The following NUCB2 variants were observed in gnomAD, a reference collection of about 807,000 sequenced individuals.
NUCB2 encodes nucleobindin-2.
NUCB2 carries 48 observed loss-of-function variants against 57.9 expected under a neutral mutation model. The observed-to-expected ratio is 0.83, with a 90% CI of 0.66 to 1.05. The LOEUF is 1.05. Among genes scored for constraint, NUCB2 ranks in the 50% least tolerant of loss-of-function variants. NUCB2 has a pLI of 0.00. For missense variants in NUCB2, 442 were observed against 476.2 expected (o/e 0.93, Z 0.67); for synonymous variants, 139 against 152.1 (o/e 0.91, Z 0.64).
chr11:17,342,295 G>T (rs1252586593), intron 2 of NUCB2, among the ~76,000 whole-genome samples: 5 of 152,060 alleles, frequency 3.3e-5, no homozygotes, highest in African/African-American at 1.2e-4. Context: ...TTTTTGAAGG[G>T]TTTTTTGTGT....
rs1229608955 is a variant in NUCB2, at chr11:17,288,531, T to TTTC, written c.-1+5609_-1+5611dup. On this transcript the variant is annotated intron_variant, in intron 2 of 13. Transcript: ENST00000529010. ...AAGCCTATTTATTTTATTTTATCTT[T>TTTC]TTCTTCTTCTTCTTCTTCTTCTTTT... 1.4e-3 allele frequency among the ~76,000 whole-genome samples: 194 copies of TTTC among 136,842 alleles called. 3 individuals carry two copies. The highest frequency in any genetic ancestry group is 4.3e-3 in the African/African-American group (150 of 34,764). 89.8% of individuals were successfully genotyped at this position (136,842 alleles called of 152,430 possible). A position where few individuals can be genotyped will look rare whatever the true frequency, so the allele number is the denominator to read the frequency against.
chr11:17,282,071 C>T (rs1942688963), intron 1 of NUCB2, among the ~76,000 whole-genome samples: 1 of 151,268 alleles, frequency 6.6e-6, no homozygotes, highest in African/African-American at 2.4e-5. Flanking sequence ...AAGGATTTAA[C>T]AGGAAAAGTT....
At chr11:17,324,959 G>T (rs1348332774) in intron 11 of NUCB2, among the ~76,000 whole-genome samples, 3 of 151,858 alleles carry the variant, frequency 2.0e-5, no homozygotes, top group Non-Finnish European at 4.4e-5. Context: ...GTGCCACAAC[G>T]CCCGGCTAAT....
intron 2 of NUCB2, among the ~76,000 whole-genome samples, chr11:17,338,689 A>C (rs1951998376): frequency 6.6e-6 from 1 of 152,088 alleles, no homozygotes; most frequent in Non-Finnish European, 1.5e-5. Flanking sequence ...TTTGAGACAG[A>C]GTCTTGCCCT....
chr11:17,327,738 T>G (rs1950879398), intron 11 of NUCB2, among the ~76,000 whole-genome samples: 1 of 152,150 alleles, frequency 6.6e-6, no homozygotes. Flanking sequence ...GCGTGTCCGT[T>G]CCATTTTTTT....
chr11:17,312,129 T>G lies in NUCB2; in HGVS notation c.912+9T>G, dbSNP rs770067361. The G allele has an allele frequency of 7.8e-7, 1 of 1,275,152 alleles. No homozygotes were observed. Among genetic ancestry groups the G allele is most frequent in the East Asian group, 2.3e-5 (1 of 43,052 alleles). The allele number at this position is 1,275,152 out of a possible 1,614,324, so 79.0% of individuals were successfully genotyped here. ...AACATGTAATGAATGAGGTATGTTT[T>G]AAAAGTTTAAGATAATATGTTATTT... On this transcript the variant is annotated intron_variant, in intron 10 of 13. Coordinates refer to ENST00000529010, the MANE Select transcript of NUCB2 (RefSeq NM_005013.4).
At chr11:17,333,289 C>A (rs947344325), downstream of NUCB2, 1 of 151,926 alleles carries the variant, frequency 6.6e-6, no homozygotes, top group African/African-American at 2.4e-5. Flanking sequence ...GAAAGTATAC[C>A]CTTCTTGGAG....
intron 11 of NUCB2, among the ~76,000 whole-genome samples, chr11:17,316,129 G>A (rs1234338536): frequency 1.3e-5 from 2 of 151,840 alleles, no homozygotes; most frequent in South Asian, 2.1e-4. Flanking sequence ...CCGCCACCAC[G>A]CCCGGCTAAT....
At chr11:17,285,296 T>C (rs1035452519) in intron 2 of NUCB2, among the ~76,000 whole-genome samples, 4 of 151,950 alleles carry the variant, frequency 2.6e-5, no homozygotes, top group Admixed American at 6.6e-5. Flanking sequence ...CGGGCGTGGC[T>C]GGGTGAGGTG....
At chr11:17,341,472 T>G (rs1388765154) in intron 2 of NUCB2, among the ~76,000 whole-genome samples, 2 of 152,028 alleles carry the variant, frequency 1.3e-5, no homozygotes. Flanking sequence ...TAGCTCTTAT[T>G]ATTTTGAAAT....
chr11:17,312,242 G>GTTT, intron 10 of NUCB2, 122 bp downstream of exon 10: 2 of 551,088 alleles, frequency 3.6e-6, no homozygotes, highest in Admixed American at 3.9e-5. Context: ...TTTTGTTTTT[G>GTTT]TTTTTTTTTT....
intron 2 of NUCB2, among the ~76,000 whole-genome samples, chr11:17,339,995 C>T (rs985029073): frequency 4.6e-5 from 7 of 152,138 alleles, no homozygotes; most frequent in Non-Finnish European, 8.8e-5. Flanking sequence ...CCTATTTCTC[C>T]ACATCCTCTC....
intron 10 of NUCB2, among the ~76,000 whole-genome samples, chr11:17,314,230 C>T (rs2139019301): frequency 6.6e-6 from 1 of 152,264 alleles, no homozygotes; most frequent in African/African-American, 2.4e-5. Flanking sequence ...TAATACCAAT[C>T]AAGTCCAAGC....
chr11:17,285,609 T>A (rs1036136305), intron 2 of NUCB2, among the ~76,000 whole-genome samples: 1 of 147,054 alleles, frequency 6.8e-6, no homozygotes, highest in African/African-American at 2.5e-5. Context: ...CTGGGCGTGG[T>A]GGCGGGCACC....
chr11:17,302,801 G>T (rs1459342561), intron 5 of NUCB2, among the ~76,000 whole-genome samples: 1 of 150,260 alleles, frequency 6.7e-6, no homozygotes, highest in African/African-American at 2.5e-5. Flanking sequence ...GTGCAGTGGC[G>T]TGATCTTGGC....
intron 2 of NUCB2, among the ~76,000 whole-genome samples, chr11:17,342,430 G>A (rs1309363863): frequency 2.4e-3 from 366 of 151,990 alleles, no homozygotes; most frequent in African/African-American, 8.4e-3. Context: ...GATCTTTCCT[G>A]CTTTCTCTTG....
At chr11:17,300,910 A>G (rs1263167684) in intron 4 of NUCB2, among the ~76,000 whole-genome samples, 6 of 145,942 alleles carry the variant, frequency 4.1e-5, no homozygotes, top group Non-Finnish European at 9.0e-5. Context: ...TGCTTTAATG[A>G]TGCTTTTCTA....
intron 3 of NUCB2, 49 bp downstream of exon 3, chr11:17,295,516 A>G: frequency 2.2e-6 from 3 of 1,366,656 alleles, no homozygotes; most frequent in Non-Finnish European, 3.1e-6. Flanking sequence ...AATGAAATGA[A>G]TTATAATTGT....
At chr11:17,314,745 CTT>C (rs763513757) in intron 10 of NUCB2, among the ~76,000 whole-genome samples, 1 of 152,160 alleles carries the variant, frequency 6.6e-6, no homozygotes, top group Non-Finnish European at 1.5e-5. Context: ...GCTTCAGTAA[CTT>C]TCATCTGAAT....
Sources: allele counts gnomAD v4.1 joint callset (sites outside exome capture counted in the v4.1 genomes callset), GRCh38; gene constraint gnomAD v4.1.1; transcripts MANE v1.5; gene names NCBI Gene and HGNC (gene_info 2026-07-23, HGNC 2026-07-21).